The following CDH13 variants were observed in gnomAD, a reference collection of about 807,000 sequenced individuals.
CDH13 encodes the protein cadherin 13, also known as cadherin-13.
Under a neutral mutation model 63.8 loss-of-function variants are expected in CDH13, and 24 were observed. The ratio of observed to expected loss-of-function variants is 0.38; its 90% CI spans 0.27 to 0.53. CDH13 has a LOEUF of 0.53. Among genes scored for constraint, CDH13 ranks in the 20% least tolerant of loss-of-function variants. The probability of loss-of-function intolerance (pLI) is 0.85; values close to 1 mark genes in which losing one functional copy is unlikely to be tolerated. For missense variants in CDH13, 1,049 were observed against 903.1 expected (o/e 1.16, Z -2.07); for synonymous variants, 503 against 355.3 (o/e 1.42, Z -4.67).
chr16:83,702,107 A>T (rs1254726872), intron 10 of CDH13, among the ~76,000 whole-genome samples: 1 of 152,166 alleles, frequency 6.6e-6, no homozygotes, highest in Non-Finnish European at 1.5e-5. Flanking sequence ...AATCATCCCA[A>T]ATATACCTTG....
chr16:83,618,489 G>C (rs1159600798), intron 8 of CDH13, among the ~76,000 whole-genome samples: 3 of 151,690 alleles, frequency 2.0e-5, no homozygotes, highest in African/African-American at 7.3e-5. Flanking sequence ...TTATAGATGA[G>C]GGGTCCTGCT....
At chr16:82,816,863 A>T (rs1442021064) in intron 1 of CDH13, among the ~76,000 whole-genome samples, 1 of 151,840 alleles carries the variant, frequency 6.6e-6, no homozygotes, top group Non-Finnish European at 1.5e-5. Context: ...CTGAAGCTCC[A>T]ACTCAGCACA....
chr16:83,196,262 G>GA (rs1022761802), intron 4 of CDH13, among the ~76,000 whole-genome samples: 101 of 145,086 alleles, frequency 7.0e-4, no homozygotes, highest in Middle Eastern at 3.5e-3. Flanking sequence ...TCTCAAAAAA[G>GA]AAAAAAAAAC....
At chr16:82,767,107 A>AT (rs2035085656) in intron 1 of CDH13, among the ~76,000 whole-genome samples, 2 of 152,142 alleles carry the variant, frequency 1.3e-5, no homozygotes, top group Non-Finnish European at 2.9e-5. Flanking sequence ...CAGCATGCAT[A>AT]TTTTTCAGTA....
chr16:82,804,312 C>CACACACACACACACACAT (rs58046063), intron 1 of CDH13, among the ~76,000 whole-genome samples: 6 of 148,268 alleles, frequency 4.0e-5, no homozygotes, highest in Admixed American at 1.3e-4. Context: ...CACACACACA[C>CACACACACACACACACAT]GCACACACAT....
chr16:83,012,243 C>CT (rs1367093661), intron 2 of CDH13, among the ~76,000 whole-genome samples: 1 of 149,926 alleles, frequency 6.7e-6, no homozygotes, highest in East Asian at 2.0e-4. Context: ...GTGACTATCT[C>CT]TTTTCAATTT....
At chr16:83,216,032 C>T (rs1446096789) in intron 4 of CDH13, among the ~76,000 whole-genome samples, 5 of 151,260 alleles carry the variant, frequency 3.3e-5, no homozygotes, top group African/African-American at 1.2e-4. Context: ...TAACCCTCTA[C>T]ATGCTTAAGC....
chr16:83,548,172 A>G (rs1267686781), intron 7 of CDH13, among the ~76,000 whole-genome samples: 1 of 152,116 alleles, frequency 6.6e-6, no homozygotes, highest in Non-Finnish European at 1.5e-5. Flanking sequence ...TGGGGGTGCC[A>G]GGGTGGGGAG....
At chr16:83,062,814 T>C (rs2151526160) in intron 3 of CDH13, among the ~76,000 whole-genome samples, 1 of 152,288 alleles carries the variant, frequency 6.6e-6, no homozygotes, top group Admixed American at 6.5e-5. Context: ...ATAGCTTTTT[T>C]CACCTGGTAA....
At chr16:82,928,380 A>T (rs545581666) in intron 2 of CDH13, among the ~76,000 whole-genome samples, 2 of 152,226 alleles carry the variant, frequency 1.3e-5, no homozygotes, top group Non-Finnish European at 2.9e-5. Flanking sequence ...TGAATTATAG[A>T]AATGATACTG....
chr16:83,426,327 T>C (rs1016966119), intron 6 of CDH13, among the ~76,000 whole-genome samples: 2 of 152,178 alleles, frequency 1.3e-5, no homozygotes, highest in Non-Finnish European at 2.9e-5. Flanking sequence ...TTGGTTTTCA[T>C]TATTCCAATA....
At chr16:82,924,647 T>G (rs1423192380) in intron 2 of CDH13, among the ~76,000 whole-genome samples, 1 of 152,188 alleles carries the variant, frequency 6.6e-6, no homozygotes, top group African/African-American at 2.4e-5. Context: ...CCGGGAGCAC[T>G]AGGAAGGTGA....
At chr16:82,656,576 A>G (rs374076387) in intron 1 of CDH13, among the ~76,000 whole-genome samples, 1 of 152,142 alleles carries the variant, frequency 6.6e-6, no homozygotes, top group Non-Finnish European at 1.5e-5. Flanking sequence ...ACATTGACAC[A>G]TCATTATCAC....
At chr16:83,700,422 C>T (rs971652900) in intron 10 of CDH13, among the ~76,000 whole-genome samples, 4 of 152,114 alleles carry the variant, frequency 2.6e-5, no homozygotes, top group Non-Finnish European at 4.4e-5. Context: ...ATTTTTCTCC[C>T]GATTAAAAAT....
At chr16:83,734,781 A>C (rs910024364) in intron 10 of CDH13, among the ~76,000 whole-genome samples, 12 of 147,440 alleles carry the variant, frequency 8.1e-5, no homozygotes, top group African/African-American at 3.0e-4. Flanking sequence ...CGGGGCAAGG[A>C]AGAGAAGTTG....
intron 1 of CDH13, among the ~76,000 whole-genome samples, chr16:82,725,358 C>T (rs550614871): frequency 6.6e-6 from 1 of 152,164 alleles, no homozygotes; most frequent in African/African-American, 2.4e-5. Context: ...TTATTGTTCT[C>T]TCTATAGTGA....
intron 2 of CDH13, among the ~76,000 whole-genome samples, chr16:82,922,608 C>G (rs1208466602): frequency 6.6e-6 from 1 of 152,168 alleles, no homozygotes; most frequent in African/African-American, 2.4e-5. Context: ...AGGATCTTAA[C>G]AAGTTGGTAC....
intron 7 of CDH13, among the ~76,000 whole-genome samples, chr16:83,568,712 G>A (rs945492208): frequency 1.3e-5 from 2 of 152,132 alleles, no homozygotes; most frequent in African/African-American, 4.8e-5. Flanking sequence ...CATCTGCAAC[G>A]TCTGTAACAG....
chr16:82,700,447 G>T (rs926140954), intron 1 of CDH13, among the ~76,000 whole-genome samples: 4 of 152,040 alleles, frequency 2.6e-5, no homozygotes, highest in African/African-American at 9.7e-5. Flanking sequence ...TACATAAGTG[G>T]ACATTAGCTT....
Sources: allele counts gnomAD v4.1 joint callset (sites outside exome capture counted in the v4.1 genomes callset), GRCh38; gene constraint gnomAD v4.1.1; transcripts MANE v1.5; gene names NCBI Gene and HGNC (gene_info 2026-07-23, HGNC 2026-07-21).